The following ARHGEF3 variants were observed in gnomAD, a reference collection of about 807,000 sequenced individuals.
ARHGEF3 encodes 59.8 kDA protein.
In ARHGEF3, 28 loss-of-function variants were observed where a neutral mutation model predicts 63.2. The ratio of observed to expected loss-of-function variants is 0.44; its 90% confidence interval spans 0.33 to 0.61. The LOEUF is 0.61. Ranked by LOEUF, ARHGEF3 falls within the 20% of genes least tolerant of loss-of-function variation. The pLI, the probability that ARHGEF3 is intolerant of heterozygous loss-of-function variation, is 0.03. For synonymous variants in ARHGEF3, 266 were observed against 254.2 expected, an observed-to-expected ratio of 1.05 and a Z score of -0.44; for missense variants, 533 against 659.3, an observed-to-expected ratio of 0.81 and a Z score of 2.10.
intron 4 of ARHGEF3, among the ~76,000 whole-genome samples, chr3:56,880,074 C>G (rs2040715717): frequency 6.6e-6 from 1 of 152,188 alleles, no homozygotes; most frequent in Non-Finnish European, 1.5e-5. Flanking sequence ...GTTCCTCCAA[C>G]AGCTTCTAGA....
chr3:56,820,990 CA>C (rs3034858), intron 4 of ARHGEF3, among the ~76,000 whole-genome samples: 232 of 131,760 alleles, frequency 1.8e-3, no homozygotes, highest in Middle Eastern at 3.8e-3. Flanking sequence ...TCCACCTCTA[CA>C]AAAAAAAAAA....
At chr3:56,994,084 A>AAAAAAAAAAAAAAAC (rs1701881374) in intron 2 of ARHGEF3, among the ~76,000 whole-genome samples, 2 of 146,362 alleles carry the variant, frequency 1.4e-5, no homozygotes, top group Non-Finnish European at 3.0e-5. Context: ...AAAAAAAAAA[A>AAAAAAAAAAAAAAAC]AGCACACTGT....
chr3:56,862,001 T>C (rs1293841591), intron 4 of ARHGEF3, among the ~76,000 whole-genome samples: 1 of 151,814 alleles, frequency 6.6e-6, no homozygotes, highest in Admixed American at 6.6e-5. Context: ...CAGGATGCAC[T>C]AAAATAATGG....
chr3:56,968,067 T>TACA, intron 2 of ARHGEF3, among the ~76,000 whole-genome samples: 1 of 50,364 alleles, frequency 2.0e-5, no homozygotes, highest in Non-Finnish European at 3.3e-5. Context: ...ATATAATATA[T>TACA]ATAATATATT....
intron 4 of ARHGEF3, among the ~76,000 whole-genome samples, chr3:56,870,211 G>C (rs777347953): frequency 1.2e-4 from 19 of 152,004 alleles, no homozygotes; most frequent in Non-Finnish European, 1.8e-4. Context: ...CAGTTTAAAA[G>C]AATAAGATAC....
chr3:56,788,642 G>GAC, intron 1 of ARHGEF3, among the ~76,000 whole-genome samples: 1 of 151,858 alleles, frequency 6.6e-6, no homozygotes, highest in Non-Finnish European at 1.5e-5. Context: ...TGCTTGCCTT[G>GAC]GGTCTGTGTC....
chr3:56,827,512 A>T (rs1485790172), intron 4 of ARHGEF3, among the ~76,000 whole-genome samples: 2 of 152,126 alleles, frequency 1.3e-5, no homozygotes, highest in Non-Finnish European at 2.9e-5. Context: ...TTCACCTTGC[A>T]TGGCTGTTGC....
intron 3 of ARHGEF3, among the ~76,000 whole-genome samples, chr3:56,917,389 C>A (rs991385205): frequency 6.6e-6 from 1 of 152,152 alleles, no homozygotes; most frequent in Non-Finnish European, 1.5e-5. Flanking sequence ...AGATTTAGCC[C>A]AGGGTTTCCT....
intron 1 of ARHGEF3, among the ~76,000 whole-genome samples, chr3:56,774,627 C>T (rs191580096): frequency 1.3e-5 from 2 of 152,186 alleles, no homozygotes; most frequent in Admixed American, 6.5e-5. Flanking sequence ...CCTGGCCAGG[C>T]GCAGTGGCTC....
At chr3:56,889,465 G>A (rs1053468242) in intron 3 of ARHGEF3, among the ~76,000 whole-genome samples, 1 of 152,164 alleles carries the variant, frequency 6.6e-6, no homozygotes, top group Admixed American at 6.5e-5. Flanking sequence ...CACCTACTAT[G>A]AGCCAAGGAC....
chr3:56,763,986 A>C (rs2035565199), intron 2 of ARHGEF3, among the ~76,000 whole-genome samples: 1 of 152,318 alleles, frequency 6.6e-6, no homozygotes, highest in South Asian at 2.1e-4. Context: ...AAGACAATGA[A>C]CACTGAGTTA....
intron 2 of ARHGEF3, among the ~76,000 whole-genome samples, chr3:56,963,547 G>A (rs1232614150): frequency 6.6e-6 from 1 of 152,156 alleles, no homozygotes; most frequent in Non-Finnish European, 1.5e-5. Flanking sequence ...ACCTTCGTCA[G>A]CAAGTTGTAT....
intron 2 of ARHGEF3, among the ~76,000 whole-genome samples, chr3:57,028,497 T>A (rs1703571361): frequency 1.0e-5 from 1 of 99,672 alleles, no homozygotes; most frequent in East Asian, 3.1e-4. Flanking sequence ...AACAATGAGA[T>A]CACATGGACA....
chr3:56,880,627 C>T (rs986786316), intron 4 of ARHGEF3, among the ~76,000 whole-genome samples: 1 of 152,138 alleles, frequency 6.6e-6, no homozygotes, highest in Admixed American at 6.5e-5. Context: ...TCTTTATTTG[C>T]AAAGTGAGGG....
At chr3:56,832,179 TGTACCC>T (rs1228985485) in intron 4 of ARHGEF3, among the ~76,000 whole-genome samples, 4 of 152,246 alleles carry the variant, frequency 2.6e-5, no homozygotes, top group Non-Finnish European at 5.9e-5. Flanking sequence ...CCATTTCAGA[TGTACCC>T]AGGCCTTTTG....
intron 3 of ARHGEF3, among the ~76,000 whole-genome samples, chr3:56,910,954 C>G (rs1300593917): frequency 6.6e-6 from 1 of 152,158 alleles, no homozygotes; most frequent in Admixed American, 6.6e-5. Flanking sequence ...GGAACTTGAA[C>G]AAGGTCACAG....
At chr3:56,850,633 T>G (rs1272794495) in intron 4 of ARHGEF3, among the ~76,000 whole-genome samples, 1 of 152,358 alleles carries the variant, frequency 6.6e-6, no homozygotes, top group Non-Finnish European at 1.5e-5. Context: ...GTTTAACTCA[T>G]GGTATAGTCA....
intron 3 of ARHGEF3, among the ~76,000 whole-genome samples, chr3:56,906,662 T>G (rs1017811283): frequency 6.6e-6 from 1 of 151,872 alleles, no homozygotes; most frequent in African/African-American, 2.4e-5. Context: ...ATGGTGAAAC[T>G]TCGTTTCTAC....
intron 7 of ARHGEF3, among the ~76,000 whole-genome samples, chr3:56,739,675 C>T (rs6769153): frequency 0.011 from 1,604 of 152,236 alleles, 34 homozygotes; most frequent in African/African-American, 0.036. Context: ...GCTAGGATTA[C>T]AGGTGTGAGC....
Sources: allele counts gnomAD v4.1 joint callset (sites outside exome capture counted in the v4.1 genomes callset), GRCh38; gene constraint gnomAD v4.1.1; transcripts MANE v1.5; gene names NCBI Gene and HGNC (gene_info 2026-07-23, HGNC 2026-07-21).